The following MAD1L1 variants were observed in gnomAD, a reference collection of about 807,000 sequenced individuals.
The protein encoded by MAD1L1 is mitotic spindle assembly checkpoint protein MAD1.
MAD1L1 carries 95 observed loss-of-function variants against 96.9 expected under a neutral mutation model. That is an observed-to-expected ratio of 0.98 (90% CI 0.83 to 1.16). The LOEUF is 1.16. Ranked by LOEUF, MAD1L1 falls within the 50% of genes most tolerant of loss-of-function variation. The pLI, the probability that MAD1L1 is intolerant of heterozygous loss-of-function variation, is 0.00. For missense variants in MAD1L1, 1,007 were observed against 954.4 expected, an observed-to-expected ratio of 1.06 and a Z score of -0.73; for synonymous variants, 473 against 396.6, an observed-to-expected ratio of 1.19 and a Z score of -2.29.
At chr7:2,123,686 C>CA (rs1788091642) in intron 11 of MAD1L1, among the ~76,000 whole-genome samples, 1 of 152,188 alleles carries the variant, frequency 6.6e-6, no homozygotes, top group East Asian at 1.9e-4. Flanking sequence ...GAGTCGGAGG[C>CA]AATTAAGCCT....
At chr7:2,021,188 T>A (rs1313304143) in intron 12 of MAD1L1, among the ~76,000 whole-genome samples, 5 of 152,086 alleles carry the variant, frequency 3.3e-5, no homozygotes, top group Non-Finnish European at 7.4e-5. Flanking sequence ...CCGAGATTTG[T>A]CAAATCTAAA....
intron 18 of MAD1L1, 27 bp downstream of exon 18, chr7:1,898,173 C>T (rs774296830): frequency 7.6e-6 from 12 of 1,576,812 alleles, no homozygotes; most frequent in South Asian, 1.1e-5. Context: ...GCGAGACAGC[C>T]GGAGAGCCGT....
At chr7:2,107,048 G>A (rs1289337872) in intron 11 of MAD1L1, among the ~76,000 whole-genome samples, 1 of 152,202 alleles carries the variant, frequency 6.6e-6, no homozygotes, top group Non-Finnish European at 1.5e-5. Context: ...GGACAGGAAG[G>A]GCACCCACAT....
At chr7:1,833,531 CA>C (rs1325263945) in intron 18 of MAD1L1, among the ~76,000 whole-genome samples, 2 of 152,206 alleles carry the variant, frequency 1.3e-5, no homozygotes, top group African/African-American at 4.8e-5. Flanking sequence ...TTAAAAATGT[CA>C]GCTACTTGAC....
At position 2,047,930 on chromosome 7, in the gene MAD1L1, G is replaced by A. The variant is rs538200039; in HGVS notation, c.1218+21264C>T. ...TGCTCAATGCACAGTTCACACAGAT[G>A]TGCATGCACAGCTCACAAAGCACAC... On this transcript the variant is annotated intron_variant, in intron 12 of 18. Transcript: ENST00000265854. Among the ~76,000 whole-genome samples, 3 of 152,114 alleles carry A rather than the reference G, an allele frequency of 2.0e-5. No homozygotes were observed. The East Asian group carries it at 5.8e-4, about 29-fold the overall frequency.
intron 18 of MAD1L1, among the ~76,000 whole-genome samples, chr7:1,821,831 G>A (rs1222261024): frequency 1.3e-5 from 2 of 152,162 alleles, no homozygotes; most frequent in African/African-American, 4.8e-5. Context: ...GCTGCTTCAC[G>A]GAAGAGTCTG....
intron 10 of MAD1L1, among the ~76,000 whole-genome samples, chr7:2,151,209 T>C (rs1789553620): frequency 6.6e-6 from 1 of 152,224 alleles, no homozygotes; most frequent in African/African-American, 2.4e-5. Context: ...TCAAAGGGGC[T>C]TGTAAATTTT....
At chr7:1,901,249 C>T (rs915049529) in intron 17 of MAD1L1, among the ~76,000 whole-genome samples, 6 of 152,154 alleles carry the variant, frequency 3.9e-5, no homozygotes, top group Admixed American at 6.5e-5. Flanking sequence ...ATAATTCACA[C>T]GATGGTTTGG....
At chr7:2,080,980 C>T (rs1370221680) in intron 11 of MAD1L1, among the ~76,000 whole-genome samples, 1 of 152,194 alleles carries the variant, frequency 6.6e-6, no homozygotes, top group Non-Finnish European at 1.5e-5. Context: ...TGCCTCTCAG[C>T]ATGCCCAAGG....
chr7:2,029,935 C>T (rs780634485), intron 12 of MAD1L1, among the ~76,000 whole-genome samples: 1 of 152,158 alleles, frequency 6.6e-6, no homozygotes, highest in Non-Finnish European at 1.5e-5. Flanking sequence ...ATCCAAGGAA[C>T]AGAAACAAGA....
intron 18 of MAD1L1, among the ~76,000 whole-genome samples, chr7:1,844,765 G>A (rs937320252): frequency 6.6e-6 from 1 of 152,220 alleles, no homozygotes; most frequent in Non-Finnish European, 1.5e-5. Context: ...CCGATCCTTC[G>A]ATGCTCCTGC....
rs137964689 is a variant in MAD1L1, at chr7:2,075,407, CCT to C, written c.1074-6071_1074-6070del. The stretch of plus-strand genomic sequence containing the variant: ...CGGCACCAGCGACGGCGGGCTCTCC[CCT>C]GTTGGGGATGTTCTCTCTGTTCAAT... On this transcript the variant is annotated intron_variant, in intron 11 of 18. Coordinates refer to ENST00000265854, the MANE Select transcript of MAD1L1 (RefSeq NM_001013836.2). Among the ~76,000 whole-genome samples, 387 of 152,306 alleles carry C rather than the reference CCT, an allele frequency of 2.5e-3. 1 individual carries two copies. The highest frequency in any genetic ancestry group is 8.9e-3 in the African/African-American group (370 of 41,568).
intron 16 of MAD1L1, among the ~76,000 whole-genome samples, chr7:1,938,746 GCA>G (rs71023370): frequency 0.061 from 6,099 of 99,446 alleles, 309 homozygotes; most frequent in African/African-American, 0.18. Context: ...AGGCGCGCAC[GCA>G]CACACACACA....
intron 18 of MAD1L1, among the ~76,000 whole-genome samples, chr7:1,857,607 C>T (rs1460214239): frequency 6.6e-6 from 1 of 152,202 alleles, no homozygotes; most frequent in Non-Finnish European, 1.5e-5. Context: ...GAGGATGAGC[C>T]CCTGGACCAG....
chr7:1,995,884 G>A (rs1781532040), intron 14 of MAD1L1, among the ~76,000 whole-genome samples: 1 of 152,186 alleles, frequency 6.6e-6, no homozygotes, highest in Non-Finnish European at 1.5e-5. Flanking sequence ...ACTTCGTCGT[G>A]GAGCAGGATG....
intron 7 of MAD1L1, among the ~76,000 whole-genome samples, chr7:2,216,985 C>T (rs1178157609): frequency 6.6e-6 from 1 of 152,138 alleles, no homozygotes; most frequent in African/African-American, 2.4e-5. Flanking sequence ...TGGGAGCTGG[C>T]ATTCACACTG....
At chr7:2,180,458 G>C (rs1057116844) in intron 10 of MAD1L1, among the ~76,000 whole-genome samples, 2 of 152,182 alleles carry the variant, frequency 1.3e-5, no homozygotes, top group East Asian at 1.9e-4. Context: ...ACAAGCATTA[G>C]AGGCAAACAA....
At position 1,962,264 on chromosome 7, in the gene MAD1L1, CTCT is replaced by C. The variant is rs1245101792; in HGVS notation, c.1506-4548_1506-4546del. On this transcript the variant is annotated intron_variant, in intron 15 of 18. Transcript: ENST00000265854. Reference sequence around the variant, plus strand: ...TCCCCTTTGGCTTGGCTCTCATTCTCTCTTGTCTGCCACCATGTAAGATGTGCC... The same window carrying C: ...TCCCCTTTGGCTTGGCTCTCATTCTCTGTCTGCCACCATGTAAGATGTGCC... Among the ~76,000 whole-genome samples, 21 of 152,344 alleles carry C rather than the reference CTCT, an allele frequency of 1.4e-4. No individual in the cohort carries two copies. The East Asian group carries it at 3.5e-3, about 25-fold the overall frequency.
intron 14 of MAD1L1, among the ~76,000 whole-genome samples, chr7:1,995,541 A>G (rs373188091): frequency 2.3e-4 from 35 of 152,234 alleles, no homozygotes; most frequent in African/African-American, 8.2e-4. Context: ...GGGCGGGCGC[A>G]GGAGCCCCAG....
Sources: allele counts gnomAD v4.1 joint callset (sites outside exome capture counted in the v4.1 genomes callset), GRCh38; gene constraint gnomAD v4.1.1; transcripts MANE v1.5; gene names NCBI Gene and HGNC (gene_info 2026-07-23, HGNC 2026-07-21).